Variants in NRG2 observed in about 807,000 individuals in gnomAD.
The protein encoded by NRG2 is pro-neuregulin-2, membrane-bound isoform.
In NRG2, 27 loss-of-function variants were observed where a neutral mutation model predicts 73.9. The ratio of observed to expected loss-of-function variants is 0.37; its 90% CI spans 0.27 to 0.50. The LOEUF (loss-of-function observed/expected upper bound fraction) is 0.50. NRG2 is among the 20% of genes least tolerant of loss of function. The pLI is 0.96. For missense variants in NRG2, 1,126 were observed against 1,210.1 expected, an observed-to-expected ratio of 0.93 and a Z score of 1.03; for synonymous variants, 532 against 541.0, an observed-to-expected ratio of 0.98 and a Z score of 0.23.
At chr5:139,917,534 AAG>A (rs1751349286) in intron 1 of NRG2, among the ~76,000 whole-genome samples, 1 of 152,074 alleles carries the variant, frequency 6.6e-6, no homozygotes, top group Admixed American at 6.6e-5. Flanking sequence ...TTACAGGTGT[AAG>A]CCACTGTCCC....
At chr5:139,988,017 G>C (rs926106072) in intron 1 of NRG2, among the ~76,000 whole-genome samples, 3 of 152,138 alleles carry the variant, frequency 2.0e-5, no homozygotes, top group Admixed American at 2.0e-4. Context: ...CTTGTGATCC[G>C]CCTGCCTCGG....
chr5:139,981,429 C>T (rs1442792471), intron 1 of NRG2, among the ~76,000 whole-genome samples: 1 of 152,246 alleles, frequency 6.6e-6, no homozygotes, highest in Non-Finnish European at 1.5e-5. Context: ...ATATGGGACT[C>T]TTACGGATCC....
At chr5:139,957,303 A>ATCTC (rs3056592) in intron 1 of NRG2, among the ~76,000 whole-genome samples, 46 of 127,326 alleles carry the variant, frequency 3.6e-4, no homozygotes, top group African/African-American at 1.4e-3. Context: ...CCACTCAAGA[A>ATCTC]TCTCTGTGTG....
At chr5:140,024,942 ACT>A (rs756209743) in intron 1 of NRG2, among the ~76,000 whole-genome samples, 2 of 152,226 alleles carry the variant, frequency 1.3e-5, no homozygotes, top group Non-Finnish European at 2.9e-5. Flanking sequence ...AGGCTCAAAC[ACT>A]CTCTTCACAA....
Position 140,043,128 on chromosome 5 carries a change from CAG to C in NRG2, c.-61_-60del. On this transcript the variant is annotated 5_prime_UTR_variant, in exon 1 of 10. Coordinates refer to ENST00000361474, the MANE Select transcript of NRG2 (RefSeq NM_004883.3). This position sits in a 1 kb window ranked among gnomAD's most constrained non-coding sequence, Gnocchi z 6.7. ...GCCGCCGCCGCCTTGGGAGGGGAAA[CAG>C]AGCCCGCTGGAAAACCGGAAACAGC... 6.4e-7 allele frequency: 1 copy of C among 1,550,710 alleles called. No individual in the cohort carries two copies. The highest frequency in any genetic ancestry group is 8.7e-7 in the Non-Finnish European group (1 of 1,155,034).
chr5:139,975,053 TGTGTC>T (rs1756280690), intron 1 of NRG2, among the ~76,000 whole-genome samples: 2 of 152,216 alleles, frequency 1.3e-5, no homozygotes, highest in African/African-American at 4.8e-5. Context: ...GCCTCATATG[TGTGTC>T]GTACATGTCT....
chr5:139,887,468 C>T lies in NRG2; in HGVS notation c.744G>A (p.Gln248=). ...ACTTCAGCGATTGCTTCTCACCCAC[C>T]TGTCCCGTCTGGCTCTTCATCTTCT... ...KLKKMKSQTG[Q]VGEKQSLKCE... The change falls in exon 2 of 10, where the codon CAG becomes CAA. Residue 248 remains glutamine (Q), a synonymous_variant. Coordinates refer to ENST00000361474, the MANE Select transcript of NRG2 (RefSeq NM_004883.3). The surrounding 1 kb of genome is among the most constrained non-coding windows in gnomAD (Gnocchi z 4.5). 6.2e-7 allele frequency: 1 copy of T among 1,614,230 alleles called. No individual in the cohort carries two copies. The highest frequency in any genetic ancestry group is 8.5e-7 in the Non-Finnish European group (1 of 1,180,046).
chr5:139,907,309 G>A (rs1299512531), intron 1 of NRG2, among the ~76,000 whole-genome samples: 3 of 152,104 alleles, frequency 2.0e-5, no homozygotes, highest in Admixed American at 1.3e-4. Context: ...GGGTGGGAGA[G>A]GGCAACGATG....
At position 139,856,030 on chromosome 5, in the gene NRG2, C is replaced by G; in HGVS notation, c.1190-252G>C. On this transcript the variant is annotated intron_variant, in intron 5 of 9. Coordinates refer to ENST00000361474, the MANE Select transcript of NRG2 (RefSeq NM_004883.3). This position sits in a 1 kb window ranked among gnomAD's most constrained non-coding sequence, Gnocchi z 4.2. Reference sequence around the variant, plus strand: ...TCCTCCTGAGTTCCCCTCCCCAAGCCCCATGCCTGCCCAGAGCACATGAGT... The same window carrying G: ...TCCTCCTGAGTTCCCCTCCCCAAGCGCCATGCCTGCCCAGAGCACATGAGT... The G allele has an allele frequency of 3.8e-6, 2 of 522,416 alleles. No individual in the cohort carries two copies. The highest frequency in any genetic ancestry group is 6.9e-6 in the Non-Finnish European group (2 of 288,158). 32.4% of individuals were successfully genotyped at this position (522,416 alleles called of 1,614,324 possible).
rs745396417 is a variant in NRG2, at chr5:139,865,391, GAACT to G, written c.1189+154_1189+157del. Among the ~76,000 whole-genome samples, 9 of 152,014 alleles carry G rather than the reference GAACT, an allele frequency of 5.9e-5. No homozygotes were observed. Among genetic ancestry groups the G allele is most frequent in the East Asian group, 1.9e-4 (1 of 5,196 alleles). On this transcript the variant is annotated intron_variant, in intron 5 of 9. Transcript: ENST00000361474. This position sits in a 1 kb window ranked among gnomAD's most constrained non-coding sequence, Gnocchi z 5.2. ...AAAGCAAAACAAAACAAAACAAAAA[GAACT>G]AACAAACCAAAATACAAAAAAGAAA...
chr5:139,938,883 GGAAAGAAAGAAAGAAAGAAAGA>G (rs1753078809), intron 1 of NRG2, among the ~76,000 whole-genome samples: 1 of 48,168 alleles, frequency 2.1e-5, no homozygotes, highest in African/African-American at 9.9e-5. Context: ...AGAGAGAGAA[GGAAAGAAAGAAAGAAAGAAAGA>G]AAAGAAAGAA....
At chr5:139,935,796 G>C (rs1580767280) in intron 1 of NRG2, among the ~76,000 whole-genome samples, 2 of 151,616 alleles carry the variant, frequency 1.3e-5, no homozygotes. Flanking sequence ...CCCATCTCTA[G>C]TAAAAATACA....
chr5:139,985,503 C>CT (rs1355749960), intron 1 of NRG2, among the ~76,000 whole-genome samples: 1 of 152,140 alleles, frequency 6.6e-6, no homozygotes, highest in Non-Finnish European at 1.5e-5. Context: ...ACAGCACCTC[C>CT]TCTCCTCAGA....
Position 139,847,644 on chromosome 5 carries a change from CTCTT to C in NRG2, c.*269_*272del, listed in dbSNP as rs374348328. On this transcript the variant is annotated 3_prime_UTR_variant, in exon 10 of 10. Transcript: ENST00000361474. The stretch of plus-strand genomic sequence containing the variant: ...AAAGAGTCAAAAAATTGGCCCATCT[CTCTT>C]TTTTTTTTGTTGTTTCTTTTTTTTT... The C allele has an allele frequency of 1.1e-3, 348 of 303,614 alleles. 5 individuals are homozygous for C. In the East Asian group the frequency reaches 0.016, roughly 14 times the overall value. 18.8% of individuals were successfully genotyped at this position (303,614 alleles called of 1,614,324 possible).
At chr5:140,042,222 G>A (rs1761980385) in intron 1 of NRG2, 148 bp downstream of exon 1, 2 of 263,870 alleles carry the variant, frequency 7.6e-6, no homozygotes, top group African/African-American at 3.0e-5. Context: ...ACCCACCCGT[G>A]CCAGGCGCCC....
chr5:139,980,476 C>T (rs556836415), intron 1 of NRG2, among the ~76,000 whole-genome samples: 31 of 152,176 alleles, frequency 2.0e-4, no homozygotes, highest in Admixed American at 5.9e-4. Context: ...TAAATAAGCT[C>T]TGCTCTTAGC....
chr5:140,009,491 G>A (rs934354938), intron 1 of NRG2, among the ~76,000 whole-genome samples: 1 of 152,186 alleles, frequency 6.6e-6, no homozygotes, highest in African/African-American at 2.4e-5. Context: ...GTAAACATAA[G>A]TTTCCAACTC....
rs368177784 is a variant in NRG2, at chr5:140,032,673, G to A, written c.700+9697C>T. 3.9e-5 allele frequency among the ~76,000 whole-genome samples: 6 copies of A among 152,238 alleles called. No homozygotes were observed. The East Asian group carries it at 5.8e-4, about 15-fold the overall frequency. On this transcript the variant is annotated intron_variant, in intron 1 of 9. Transcript: ENST00000361474. Reference sequence around the variant, plus strand: ...CTAAAGATCTTACCACCAGGTAAACGAGATAAGATACTGGCCCATCAAAAG... The same window carrying A: ...CTAAAGATCTTACCACCAGGTAAACAAGATAAGATACTGGCCCATCAAAAG...
chr5:139,855,374 A>G (rs1450770497), intron 6 of NRG2, among the ~76,000 whole-genome samples: 1 of 152,232 alleles, frequency 6.6e-6, no homozygotes, highest in East Asian at 1.9e-4. Flanking sequence ...AATTTGCTCA[A>G]GGTTACATGG....
Sources: gnomAD v4.1 joint callset for allele counts (sites outside exome capture counted in the v4.1 genomes callset) on GRCh38, gnomAD v4.1.1 for gene constraint, Gnocchi (gnomAD v3.1) non-coding constraint, MANE v1.5 for transcripts, NCBI Gene and HGNC (gene_info 2026-07-23, HGNC 2026-07-21) for gene names.